The following CREB5 variants were observed in gnomAD, a reference collection of about 807,000 sequenced individuals.
CREB5 encodes the protein cyclic AMP-responsive element-binding protein 5.
CREB5 carries 19 observed loss-of-function variants against 57.1 expected under a neutral mutation model. The observed-to-expected ratio is 0.33, with a 90% CI of 0.23 to 0.49. The LOEUF (loss-of-function observed/expected upper bound fraction) is 0.49. Ranked by LOEUF, CREB5 falls within the 20% of genes least tolerant of loss-of-function variation. CREB5 has a pLI of 0.99. For missense variants in CREB5, 579 were observed against 671.6 expected (o/e 0.86, Z 1.52); for synonymous variants, 238 against 238.3 (o/e 1.00, Z 0.01).
chr7:28,616,045 A>G (rs1797585182), intron 5 of CREB5, among the ~76,000 whole-genome samples: 1 of 152,228 alleles, frequency 6.6e-6, no homozygotes, highest in Non-Finnish European at 1.5e-5. Context: ...AACAGCCTGT[A>G]GAGTTTTGTA....
At chr7:28,562,957 G>A (rs916088456) in intron 4 of CREB5, among the ~76,000 whole-genome samples, 2 of 152,180 alleles carry the variant, frequency 1.3e-5, no homozygotes, top group Admixed American at 1.3e-4. Flanking sequence ...TAGTGGTGAT[G>A]AGCCTGGTTA....
At chr7:28,658,953 G>GTGTA (rs1400561698) in intron 5 of CREB5, among the ~76,000 whole-genome samples, 20 of 99,580 alleles carry the variant, frequency 2.0e-4, no homozygotes, top group African/African-American at 3.9e-4. Flanking sequence ...GTGTGTGTGT[G>GTGTA]TATATATATA....
rs143085177 is a variant in CREB5, at chr7:28,621,367, A to G, written c.464+50830A>G. ...TATTTACAATACCCCTTTTGCCCCA[A>G]AATAGATTTTAAACACTATACAAGC... On this transcript the variant is annotated intron_variant, in intron 5 of 10. Transcript: ENST00000357727. Among the ~76,000 whole-genome samples, 4 of 152,276 alleles carry G rather than the reference A, an allele frequency of 2.6e-5. No individual in the cohort carries two copies. In the East Asian group the frequency reaches 7.7e-4, roughly 29 times the overall value.
At chr7:28,410,982 T>C (rs1340475638), upstream of CREB5, among the ~76,000 whole-genome samples, 1 of 152,050 alleles carries the variant, frequency 6.6e-6, no homozygotes, top group East Asian at 1.9e-4. Context: ...GCCCCCGCCT[T>C]TTTACAGCTT....
chr7:28,531,219 G>A (rs2128621949), intron 4 of CREB5, among the ~76,000 whole-genome samples: 1 of 152,090 alleles, frequency 6.6e-6, no homozygotes, highest in Non-Finnish European at 1.5e-5. Flanking sequence ...CGGTAATAAA[G>A]TACCCTAGAC....
In CREB5 at chr7:28,642,366, G is replaced by A. The variant is rs114991588; in HGVS notation, c.464+71829G>A. Among the ~76,000 whole-genome samples the A allele has an allele frequency of 9.1e-3, 1,382 of 152,118 alleles. 23 individuals carry two copies. The highest frequency in any genetic ancestry group is 0.031 in the African/African-American group (1,287 of 41,510). On this transcript the variant is annotated intron_variant, in intron 5 of 10. Coordinates refer to ENST00000357727, the MANE Select transcript of CREB5 (RefSeq NM_182898.4). The stretch of plus-strand genomic sequence containing the variant: ...TAAGCTGTTAAAATCTATATGCCCC[G>A]CCCTCACCCTTCTCCCAGTCCCAAG...
rs1785314457 is a variant in CREB5, at chr7:28,313,277, G to T, written c.-25+13836G>T. Among the ~76,000 whole-genome samples the T allele has an allele frequency of 3.9e-5, 6 of 152,172 alleles. No homozygotes were observed. The South Asian group carries it at 1.2e-3, about 32-fold the overall frequency. On this transcript the variant is annotated intron_variant, in intron 1 of 9. Coordinates refer to the CREB5 transcript ENST00000396299. ...TGAGCCTGCTCATGCCATCTTCCGAGAGCCTGAAGCACGAACACACTTAAT... is the reference window on the plus strand; with the variant it reads ...TGAGCCTGCTCATGCCATCTTCCGATAGCCTGAAGCACGAACACACTTAAT...
At chr7:28,808,712 C>CTTTTTTTTTTTT (rs59374546) in intron 8 of CREB5, among the ~76,000 whole-genome samples, 1 of 83,172 alleles carries the variant, frequency 1.2e-5, no homozygotes, top group African/African-American at 5.3e-5. Flanking sequence ...CCAATTTTTC[C>CTTTTTTTTTTTT]TTTTTTTTTT....
intron 5 of CREB5, among the ~76,000 whole-genome samples, chr7:28,704,894 G>T (rs752410152): frequency 3.3e-5 from 5 of 152,184 alleles, no homozygotes; most frequent in Admixed American, 1.3e-4. Context: ...CACAGCCCTA[G>T]ATCACCAGGC....
At chr7:28,683,133 A>G (rs1402825646) in intron 5 of CREB5, among the ~76,000 whole-genome samples, 1 of 152,178 alleles carries the variant, frequency 6.6e-6, no homozygotes, top group Non-Finnish European at 1.5e-5. Flanking sequence ...ACAGCATCTT[A>G]TGACTTCTAT....
intron 4 of CREB5, among the ~76,000 whole-genome samples, chr7:28,564,654 A>G (rs1381286261): frequency 6.6e-6 from 1 of 152,230 alleles, no homozygotes; most frequent in East Asian, 1.9e-4. Context: ...GTCAAAGGAC[A>G]TGCTGAGAAA....
intron 1 of CREB5, among the ~76,000 whole-genome samples, chr7:28,321,494 G>A (rs1192486502): frequency 6.6e-6 from 1 of 152,158 alleles, no homozygotes; most frequent in African/African-American, 2.4e-5. Flanking sequence ...TCTTCTCTCA[G>A]GCACGTATAT....
At chr7:28,359,359 A>G (rs527752940) in intron 1 of CREB5, among the ~76,000 whole-genome samples, 34 of 152,328 alleles carry the variant, frequency 2.2e-4, no homozygotes, top group African/African-American at 7.7e-4. Context: ...CTCCCCTATA[A>G]GAGCGTTGTC....
chr7:28,415,670 C>G (rs1205445028), intron 1 of CREB5, among the ~76,000 whole-genome samples: 1 of 152,104 alleles, frequency 6.6e-6, no homozygotes, highest in Non-Finnish European at 1.5e-5. Flanking sequence ...ATCCAGATTT[C>G]ATTTGAGAGT....
chr7:28,305,235 T>G (rs1785162765), intron 1 of CREB5, among the ~76,000 whole-genome samples: 1 of 152,170 alleles, frequency 6.6e-6, no homozygotes, highest in Non-Finnish European at 1.5e-5. Context: ...TGATTTCATG[T>G]TGAAACACAA....
At chr7:28,612,029 G>A (rs746014671) in intron 5 of CREB5, among the ~76,000 whole-genome samples, 68 of 152,152 alleles carry the variant, frequency 4.5e-4, no homozygotes, top group Admixed American at 5.2e-4. Flanking sequence ...AGGACACCAC[G>A]TAGTCAGCTC....
chr7:28,447,506 C>G (rs1338070549), intron 1 of CREB5, among the ~76,000 whole-genome samples: 3 of 152,210 alleles, frequency 2.0e-5, no homozygotes, highest in Admixed American at 6.5e-5. Context: ...TTTGCCTCAG[C>G]TAAGCCCAAC....
rs567373562 is a variant in CREB5 at position 28,468,175 on chromosome 7, G to T, written c.4-20000G>T. Among the ~76,000 whole-genome samples, 122 of 152,286 alleles carry T rather than the reference G, an allele frequency of 8.0e-4. 1 individual carries two copies. The highest frequency in any genetic ancestry group is 2.8e-3 in the African/African-American group (115 of 41,566). On this transcript the variant is annotated intron_variant, in intron 1 of 10. Coordinates refer to ENST00000357727, the MANE Select transcript of CREB5 (RefSeq NM_182898.4). ...CAGACAAGCCGTGGGTAGGACATAG[G>T]GGGCTCATTTCTGGGATGGAGTTTA...
At chr7:28,765,581 G>A (rs745765512) in intron 7 of CREB5, among the ~76,000 whole-genome samples, 10 of 152,162 alleles carry the variant, frequency 6.6e-5, no homozygotes, top group African/African-American at 9.7e-5. Flanking sequence ...TAGGTAGACA[G>A]GAAGGGAGAA....
Sources: gnomAD v4.1 joint callset for allele counts (sites outside exome capture counted in the v4.1 genomes callset) on GRCh38, gnomAD v4.1.1 for gene constraint, MANE v1.5 for transcripts, NCBI Gene and HGNC (gene_info 2026-07-23, HGNC 2026-07-21) for gene names.